APBB1IP: variants seen among roughly 807,000 people sequenced by gnomAD.
APBB1IP encodes amyloid beta A4 precursor protein-binding family B member 1-interacting protein.
A neutral mutation model predicts 64.9 loss-of-function variants in APBB1IP; 27 were observed. The observed-to-expected ratio is 0.42, with a 90% confidence interval of 0.31 to 0.57. The LOEUF is 0.57. APBB1IP is among the 20% of genes least tolerant of loss of function. APBB1IP has a pLI of 0.20. For synonymous variants in APBB1IP, 392 were observed against 331.0 expected (o/e 1.18, Z -2.00); for missense variants, 812 against 845.5 (o/e 0.96, Z 0.49).
rs1357860268 is a variant in APBB1IP at position 26,500,922 on chromosome 10, G to C, written c.264G>C (p.Glu88Asp). 3 of 1,614,086 alleles carry C rather than the reference G, an allele frequency of 1.9e-6. No individual in the cohort carries two copies. The Admixed American group carries it at 5.0e-5, about 27-fold the overall frequency. The change falls in exon 5 of 15, where the codon GAG becomes GAC. Residue 88 changes from glutamate (E) to aspartate (D), a missense_variant. Coordinates refer to ENST00000376236, the MANE Select transcript of APBB1IP (RefSeq NM_019043.4). ...AGAGGACAATCCAGGCACAGAAAGA[G>C]TCCTTGCAGAATCAACATCATTCAG... ...AEQRTIQAQK[E>D]SLQNQHHSAS...
At chr10:26,555,891 G>T (rs952607269) in intron 11 of APBB1IP, among the ~76,000 whole-genome samples, 4 of 152,186 alleles carry the variant, frequency 2.6e-5, no homozygotes, top group Non-Finnish European at 5.9e-5. Flanking sequence ...GAGCCACGGG[G>T]CCCTGCCTCT....
intron 6 of APBB1IP, among the ~76,000 whole-genome samples, chr10:26,508,720 A>T (rs540098733): frequency 5.9e-5 from 9 of 152,252 alleles, no homozygotes; most frequent in African/African-American, 2.2e-4. Flanking sequence ...TTCTTGCTAA[A>T]CATCACAAGG....
chr10:26,500,938 C>T lies in APBB1IP; in HGVS notation c.280C>T (p.His94Tyr). The change falls in exon 5 of 15, where the codon CAT becomes TAT. Residue 94 changes from histidine (H) to tyrosine (Y), a missense_variant. This residue lies in a region of APBB1IP where 394 missense variants were observed against 413.1 expected (regional missense o/e 0.95). Transcript: ENST00000376236. The stretch of plus-strand genomic sequence containing the variant: ...ACAGAAAGAGTCCTTGCAGAATCAA[C>T]ATCATTCAGCATCTCTACAAGCATC... Reference protein sequence around the residue: ...QAQKESLQNQHHSASLQASIF... With the variant: ...QAQKESLQNQYHSASLQASIF... 1 of 1,614,182 alleles carries T rather than the reference C, an allele frequency of 6.2e-7. No individual in the cohort carries two copies. Among genetic ancestry groups the T allele is most frequent in the Non-Finnish European group, 8.5e-7 (1 of 1,180,038 alleles).
intron 2 of APBB1IP, among the ~76,000 whole-genome samples, chr10:26,449,805 T>C (rs1335788045): frequency 6.6e-6 from 1 of 151,960 alleles, no homozygotes; most frequent in African/African-American, 2.4e-5. Context: ...ATCCCATGAG[T>C]TGGAGACCAG....
chr10:26,535,367 A>G (rs1015907314), intron 9 of APBB1IP, among the ~76,000 whole-genome samples: 1 of 152,090 alleles, frequency 6.6e-6, no homozygotes, highest in African/African-American at 2.4e-5. Flanking sequence ...GGTACATGAT[A>G]TATTTTGATA....
chr10:26,566,271 G>A (rs899058373), intron 14 of APBB1IP, among the ~76,000 whole-genome samples: 5 of 152,256 alleles, frequency 3.3e-5, no homozygotes, highest in Non-Finnish European at 7.4e-5. Flanking sequence ...TATATAGAGA[G>A]AGAGACATAG....
rs376720915 is a variant in APBB1IP, at chr10:26,448,045, T to C, written c.-1+9192T>C. Among the ~76,000 whole-genome samples the C allele has an allele frequency of 9.2e-5, 14 of 152,312 alleles. No homozygotes were observed. The East Asian group carries it at 1.2e-3, about 13-fold the overall frequency. On this transcript the variant is annotated intron_variant, in intron 2 of 14. Coordinates refer to ENST00000376236, the MANE Select transcript of APBB1IP (RefSeq NM_019043.4). Reference sequence around the variant, plus strand: ...ATATTTCATTTAATAAAATAAACTATTAAAATGTGAATTGTTTGAAGTTAT... The same window carrying C: ...ATATTTCATTTAATAAAATAAACTACTAAAATGTGAATTGTTTGAAGTTAT...
At chr10:26,520,447 A>G (rs946550399) in intron 8 of APBB1IP, among the ~76,000 whole-genome samples, 2 of 152,090 alleles carry the variant, frequency 1.3e-5, no homozygotes, top group African/African-American at 4.8e-5. Context: ...ACTGTAAAAA[A>G]CTCTTTAAAA....
intron 8 of APBB1IP, among the ~76,000 whole-genome samples, chr10:26,513,936 A>G (rs1836293299): frequency 6.6e-6 from 1 of 152,162 alleles, no homozygotes; most frequent in Non-Finnish European, 1.5e-5. Flanking sequence ...GGGTTTCACC[A>G]TGTTGGCCAG....
chr10:26,549,829 T>A (rs1469916860), intron 11 of APBB1IP, among the ~76,000 whole-genome samples: 1 of 152,076 alleles, frequency 6.6e-6, no homozygotes, highest in Non-Finnish European at 1.5e-5. Flanking sequence ...TGAATGAAAT[T>A]AATCTCTATT....
At chr10:26,468,752 A>G (rs922515276) in intron 2 of APBB1IP, among the ~76,000 whole-genome samples, 1 of 152,210 alleles carries the variant, frequency 6.6e-6, no homozygotes, top group East Asian at 1.9e-4. Context: ...AGCCCAGCTC[A>G]TCGGCTCTTT....
At chr10:26,531,961 G>A (rs1056285966) in intron 8 of APBB1IP, among the ~76,000 whole-genome samples, 1 of 152,146 alleles carries the variant, frequency 6.6e-6, no homozygotes, top group Non-Finnish European at 1.5e-5. Flanking sequence ...AAAAGCCAAC[G>A]ATAAGAAAAA....
At chr10:26,515,038 A>ATTTTTTT (rs10668002) in intron 8 of APBB1IP, among the ~76,000 whole-genome samples, 2 of 133,038 alleles carry the variant, frequency 1.5e-5, no homozygotes, top group Non-Finnish European at 1.6e-5. Context: ...CCCCCGGCTA[A>ATTTTTTT]TTTTTTTTTT....
chr10:26,449,129 G>A (rs1041061819), intron 2 of APBB1IP, among the ~76,000 whole-genome samples: 4 of 152,126 alleles, frequency 2.6e-5, no homozygotes, highest in African/African-American at 7.2e-5. Context: ...GAATGGTTAC[G>A]GATCCCTGTT....
At chr10:26,503,360 G>A in intron 6 of APBB1IP, 86 bp downstream of exon 6, 3 of 1,374,990 alleles carry the variant, frequency 2.2e-6, no homozygotes, top group African/African-American at 1.4e-5. Context: ...ATAAAGCCGG[G>A]CGCGGTGGCT....
intron 2 of APBB1IP, among the ~76,000 whole-genome samples, 165 bp from the exon 3 acceptor site, chr10:26,492,162 C>A (rs1173994220): frequency 1.3e-5 from 2 of 152,124 alleles, no homozygotes; most frequent in Non-Finnish European, 2.9e-5. Context: ...TGGATAGAAG[C>A]CAGGCATGAA....
intron 8 of APBB1IP, among the ~76,000 whole-genome samples, chr10:26,517,277 A>G (rs1836344170): frequency 1.3e-5 from 2 of 152,188 alleles, no homozygotes. Context: ...CCATGTAATT[A>G]CCACCCACAT....
intron 8 of APBB1IP, among the ~76,000 whole-genome samples, chr10:26,524,955 C>CTTTCTTTTTTTTTT (rs747655095): frequency 3.9e-4 from 29 of 73,956 alleles, no homozygotes; most frequent in Non-Finnish European, 4.7e-4. Context: ...TTCTTTCTTT[C>CTTTCTTTTTTTTTT]TTTTTTTTTT....
chr10:26,546,972 T>C (rs567308926), intron 11 of APBB1IP, among the ~76,000 whole-genome samples: 51 of 152,328 alleles, frequency 3.3e-4, no homozygotes, highest in Non-Finnish European at 2.9e-5. Flanking sequence ...GGCACCTCCA[T>C]ACTGTTTTCT....
Sources: gnomAD v4.1 joint callset for allele counts (sites outside exome capture counted in the v4.1 genomes callset) on GRCh38, gnomAD v4.1.1 for gene constraint, gnomAD v4.1.1 regional missense constraint, MANE v1.5 for transcripts, NCBI Gene and HGNC (gene_info 2026-07-23, HGNC 2026-07-21) for gene names.